The following ABCC1 variants were observed in gnomAD, a reference collection of about 807,000 sequenced individuals.
The protein encoded by ABCC1 is multidrug resistance-associated protein 1.
ABCC1 carries 83 observed loss-of-function variants against 172.9 expected under a neutral mutation model. The observed-to-expected ratio is 0.48, with a 90% CI of 0.40 to 0.58. The LOEUF (loss-of-function observed/expected upper bound fraction) is 0.58, where lower values mean the gene tolerates loss of function less well. ABCC1 is among the 20% of genes least tolerant of loss of function. ABCC1 has a pLI of 0.00. For missense variants in ABCC1, 1,817 were observed against 2,002.7 expected (o/e 0.91, Z 1.77); for synonymous variants, 937 against 825.2 (o/e 1.14, Z -2.32).
At chr16:16,071,546 C>G in intron 13 of ABCC1, 96 bp from the exon 14 acceptor site, 1 of 961,164 alleles carries the variant, frequency 1.0e-6, no homozygotes, top group African/African-American at 1.6e-5. Context: ...GTGTGTGCCC[C>G]TCCACACCTG....
At chr16:16,083,939 G>A (rs2050907249) in intron 17 of ABCC1, among the ~76,000 whole-genome samples, 1 of 152,118 alleles carries the variant, frequency 6.6e-6, no homozygotes, top group Non-Finnish European at 1.5e-5. Flanking sequence ...CTACCTTTGT[G>A]GTCACATGAC....
At chr16:15,982,550 A>C (rs1011174410) in intron 1 of ABCC1, among the ~76,000 whole-genome samples, 1 of 151,626 alleles carries the variant, frequency 6.6e-6, no homozygotes, top group African/African-American at 2.4e-5. Context: ...GTTACCTCCC[A>C]CTGGGTTTCT....
intron 1 of ABCC1, among the ~76,000 whole-genome samples, chr16:15,951,689 T>G (rs1348966611): frequency 6.7e-6 from 1 of 149,404 alleles, no homozygotes; most frequent in African/African-American, 2.6e-5. Flanking sequence ...CTTTTCTTTT[T>G]TTTTTCTTTT....
intron 20 of ABCC1, 108 bp from the exon 21 acceptor site, chr16:16,106,630 C>A: frequency 7.3e-7 from 1 of 1,366,530 alleles, no homozygotes; most frequent in Non-Finnish European, 1.0e-6. Flanking sequence ...GGAAACACTC[C>A]GTCTCTTATG....
intron 1 of ABCC1, 79 bp from the exon 2 acceptor site, chr16:16,007,737 A>G: frequency 1.4e-6 from 2 of 1,403,706 alleles, no homozygotes; most frequent in Non-Finnish European, 9.6e-7. Flanking sequence ...ACCCCGTGGC[A>G]GCTGGTTTCA....
chr16:16,046,348 T>C lies in ABCC1; in HGVS notation c.1218+335T>C, dbSNP rs544190844. 2.0e-4 allele frequency among the ~76,000 whole-genome samples: 31 copies of C among 152,164 alleles called. No homozygotes were observed. In the South Asian group the frequency reaches 6.5e-3, roughly 32 times the overall value. Reference sequence around the variant, plus strand: ...GTGTTTCAGCTTGTTGTCACTCTTTTTTTTTCGTTTTTTTGAGACCAGGTC... The same window carrying C: ...GTGTTTCAGCTTGTTGTCACTCTTTCTTTTTCGTTTTTTTGAGACCAGGTC... On this transcript the variant is annotated intron_variant, in intron 9 of 30. Transcript: ENST00000399410.
chr16:16,005,349 ATT>A (rs35956116), intron 1 of ABCC1, among the ~76,000 whole-genome samples: 63,232 of 139,620 alleles, frequency 0.45, 15,690 homozygotes, highest in Non-Finnish European at 0.58. Context: ...AGATTTTCTG[ATT>A]TTTTTTTTTT....
chr16:15,952,610 T>TCA lies in ABCC1; in HGVS notation c.48+2811_48+2812insCA, dbSNP rs565601189. ...GCCTGAGGACAGGTCACAGCAGCCCTTGGCTTTCTTTTCTCATGGGGGTGG... is the reference window on the plus strand; with the variant it reads ...GCCTGAGGACAGGTCACAGCAGCCCTCATGGCTTTCTTTTCTCATGGGGGTGG... On this transcript the variant is annotated intron_variant, in intron 1 of 30. Transcript: ENST00000399410. Among the ~76,000 whole-genome samples, 6 of 151,504 alleles carry TCA rather than the reference T, an allele frequency of 4.0e-5. No individual in the cohort carries two copies. In the South Asian group the frequency reaches 1.3e-3, roughly 32 times the overall value.
chr16:16,028,207 C>G (rs1002626186), intron 5 of ABCC1, among the ~76,000 whole-genome samples: 3 of 152,108 alleles, frequency 2.0e-5, no homozygotes, highest in Non-Finnish European at 4.4e-5. Context: ...TATCGGGCCT[C>G]AAATGACTGA....
At chr16:16,039,674 G>T (rs374125789) in intron 7 of ABCC1, among the ~76,000 whole-genome samples, 1 of 152,076 alleles carries the variant, frequency 6.6e-6, no homozygotes, top group African/African-American at 2.4e-5. Context: ...GGCTGTTTTC[G>T]AGCCTCTGGC....
At position 16,060,584 on chromosome 16, in the gene ABCC1, G is replaced by A. The variant is rs144817419; in HGVS notation, c.1677+4289G>A. On this transcript the variant is annotated intron_variant, in intron 12 of 30. Coordinates refer to ENST00000399410, the MANE Select transcript of ABCC1 (RefSeq NM_004996.4). The stretch of plus-strand genomic sequence containing the variant: ...GTCACCCAGGCTGAAGTGCAGTGGT[G>A]CCATCTCAGCTCACTGCAACCTCCA... 3.5e-3 allele frequency among the ~76,000 whole-genome samples: 530 copies of A among 152,130 alleles called. 2 individuals carry two copies. Among genetic ancestry groups the A allele is most frequent in the African/African-American group, 0.012 (495 of 41,494 alleles).
intron 24 of ABCC1, among the ~76,000 whole-genome samples, chr16:16,124,265 T>G (rs2045303986): frequency 6.6e-6 from 1 of 152,064 alleles, no homozygotes; most frequent in African/African-American, 2.4e-5. Context: ...AGTTGATGTC[T>G]TCTTAGTATT....
chr16:16,032,211 G>A, intron 5 of ABCC1, among the ~76,000 whole-genome samples: 1 of 152,054 alleles, frequency 6.6e-6, no homozygotes, highest in East Asian at 1.9e-4. Context: ...GGATGGTCTC[G>A]ATCTCTTGAC....
At chr16:15,981,172 G>A (rs762886645) in intron 1 of ABCC1, among the ~76,000 whole-genome samples, 7 of 152,234 alleles carry the variant, frequency 4.6e-5, no homozygotes, top group African/African-American at 1.4e-4. Flanking sequence ...GGGCTTTCAC[G>A]GGTTTGTGTT....
chr16:15,988,508 C>T (rs573517363), intron 1 of ABCC1, among the ~76,000 whole-genome samples: 1 of 152,120 alleles, frequency 6.6e-6, no homozygotes, highest in African/African-American at 2.4e-5. Context: ...TGGAACATGA[C>T]TAAGGGATTT....
At chr16:16,033,236 T>C (rs1209372978) in intron 6 of ABCC1, 66 bp downstream of exon 6, 16 of 1,480,278 alleles carry the variant, frequency 1.1e-5, no homozygotes, top group African/African-American at 1.4e-5. Context: ...AATGAACGAA[T>C]GAACATGCTC....
At chr16:16,072,573 A>G (rs2050392701) in intron 14 of ABCC1, among the ~76,000 whole-genome samples, 1 of 149,594 alleles carries the variant, frequency 6.7e-6, no homozygotes, top group Non-Finnish European at 1.5e-5. Flanking sequence ...CCTGGGCTCA[A>G]GGATCCCTCT....
rs532348673 is a variant in ABCC1 at position 16,045,374 on chromosome 16, C to T, written c.1041-462C>T. On this transcript the variant is annotated intron_variant, in intron 8 of 30. Coordinates refer to ENST00000399410, the MANE Select transcript of ABCC1 (RefSeq NM_004996.4). ...TTGCATCACTGAACTCAAACCTTGG[C>T]GACAGAGCAAGACTTTGTCTCAAAA... is the stretch of plus-strand genomic sequence containing the variant. 6.0e-4 allele frequency among the ~76,000 whole-genome samples: 74 copies of T among 124,042 alleles called. 1 individual carries two copies. Among genetic ancestry groups the T allele is most frequent in the Admixed American group, 3.3e-3 (33 of 9,954 alleles). 81.4% of individuals were successfully genotyped at this position (124,042 alleles called of 152,430 possible). A position where few individuals can be genotyped will look rare whatever the true frequency, so the allele number is the denominator to read the frequency against.
In ABCC1 at chr16:16,132,510, G is replaced by GTTTTTTTTTTTTTTTT. The variant is rs71137915; in HGVS notation, c.3966+589_3966+604dup. Among the ~76,000 whole-genome samples, 37 of 37,272 alleles carry GTTTTTTTTTTTTTTTT rather than the reference G, an allele frequency of 9.9e-4. 6 individuals are homozygous for GTTTTTTTTTTTTTTTT. Among genetic ancestry groups the GTTTTTTTTTTTTTTTT allele is most frequent in the African/African-American group, 1.4e-3 (14 of 9,784 alleles). The allele number at this position is 37,272 out of a possible 152,430, so 24.5% of individuals were successfully genotyped here. On this transcript the variant is annotated intron_variant, in intron 27 of 30. Coordinates refer to ENST00000399410, the MANE Select transcript of ABCC1 (RefSeq NM_004996.4). ...TTCTTTTTTTGTTTTTTGGTTGGTT[G>GTTTTTTTTTTTTTTTT]TTTTTTTTTTTTTTTTTTTTTTTTT...
Sources: allele counts gnomAD v4.1 joint callset (sites outside exome capture counted in the v4.1 genomes callset), GRCh38; gene constraint gnomAD v4.1.1; transcripts MANE v1.5; gene names NCBI Gene and HGNC (gene_info 2026-07-23, HGNC 2026-07-21).